BRI3: variants seen among roughly 807,000 people sequenced by gnomAD.
BRI3 encodes membrane protein BRI3.
A neutral mutation model predicts 12.8 loss-of-function variants in BRI3; 6 were observed. The ratio of observed to expected loss-of-function variants is 0.47; its 90% CI spans 0.26 to 0.93. BRI3 has a LOEUF of 0.93. Among genes scored for constraint, BRI3 ranks in the 40% least tolerant of loss-of-function variants. BRI3 has a pLI of 0.15. For missense variants in BRI3, 134 were observed against 171.1 expected (o/e 0.78, Z 1.21); for synonymous variants, 91 against 76.1 (o/e 1.20, Z -1.02).
chr7:98,320,150 A>T, the BRI3 span: 1 of 1,602,900 alleles, frequency 6.2e-7, no homozygotes, highest in Non-Finnish European at 8.5e-7. Context: ...AAGGAAATAA[A>T]TTCATACCAG....
chr7:98,317,970 C>G, the BRI3 span, among the ~76,000 whole-genome samples: 4 of 144,216 alleles, frequency 2.8e-5, no homozygotes, highest in Non-Finnish European at 4.6e-5. Flanking sequence ...TCACACCATC[C>G]TTACGCTGGC....
chr7:98,289,861 C>A (rs76446760), intron 2 of BRI3, among the ~76,000 whole-genome samples: 2,769 of 152,258 alleles, frequency 0.018, 43 homozygotes, highest in South Asian at 0.05. Context: ...CAGTTGGGTT[C>A]GATGATGATT....
chr7:98,291,053 A>C, intron 2 of BRI3, 58 bp from the exon 3 acceptor site: 1 of 1,599,312 alleles, frequency 6.3e-7, no homozygotes, highest in Non-Finnish European at 8.6e-7. Context: ...GGCAGGGGTG[A>C]GGGTTCTGGC....
In BRI3 at chr7:98,283,993, G is replaced by A. The variant is rs537507206; in HGVS notation, c.245+1540G>A. ...CCCTAGGTGGGAACTGTGTCCCTGCGGAGGCCCATGGCTTCCGCTAACCTG... is the reference window on the plus strand; with the variant it reads ...CCCTAGGTGGGAACTGTGTCCCTGCAGAGGCCCATGGCTTCCGCTAACCTG... On this transcript the variant is annotated intron_variant, in intron 2 of 2. Transcript: ENST00000297290. 9.0e-4 allele frequency among the ~76,000 whole-genome samples: 137 copies of A among 152,326 alleles called. 1 individual carries two copies. Among genetic ancestry groups the A allele is most frequent in the African/African-American group, 3.3e-3 (136 of 41,578 alleles).
upstream of BRI3, among the ~76,000 whole-genome samples, chr7:98,305,847 A>G (rs532645588): frequency 2.6e-5 from 4 of 152,262 alleles, no homozygotes; most frequent in African/African-American, 9.6e-5. Flanking sequence ...TCTGATCTGG[A>G]ATACGGATTT....
chr7:98,306,174 G>C (rs1246777259), upstream of BRI3, among the ~76,000 whole-genome samples: 1 of 152,182 alleles, frequency 6.6e-6, no homozygotes, highest in Admixed American at 6.5e-5. Context: ...GCGACCAGGA[G>C]GGGCAGGGCA....
downstream of BRI3, among the ~76,000 whole-genome samples, chr7:98,295,950 G>A (rs949929886): frequency 2.6e-5 from 4 of 152,186 alleles, no homozygotes; most frequent in Admixed American, 2.6e-4. Flanking sequence ...GTGCACGCAT[G>A]CCTGGGGCCC....
downstream of BRI3, among the ~76,000 whole-genome samples, chr7:98,311,160 A>G (rs62478168): frequency 0.078 from 11,877 of 152,256 alleles, 669 homozygotes; most frequent in Non-Finnish European, 0.12. Context: ...TTACGTTGTG[A>G]TGAATGCCAT....
intron 2 of BRI3, among the ~76,000 whole-genome samples, chr7:98,289,564 T>G (rs1299011659): frequency 1.3e-5 from 2 of 152,140 alleles, no homozygotes; most frequent in Non-Finnish European, 2.9e-5. Context: ...TAGGCTCCCC[T>G]TCCCCCCTAA....
At chr7:98,299,714 C>A (rs963668842) in intron 1 of BRI3, among the ~76,000 whole-genome samples, 7 of 152,114 alleles carry the variant, frequency 4.6e-5, no homozygotes, top group Non-Finnish European at 1.0e-4. Context: ...CCTAACTGTC[C>A]AATGTGGCAA....
chr7:98,307,735 C>A (rs1420443537), exon 2 of BRI3: 1 of 1,614,108 alleles, frequency 6.2e-7, no homozygotes, highest in Non-Finnish European at 8.5e-7. Flanking sequence ...TCCTTCTCCT[C>A]GGGGATGAGC....
chr7:98,304,166 C>T (rs1800539323), upstream of BRI3: 1 of 1,536,748 alleles, frequency 6.5e-7, no homozygotes. Context: ...GAGTCCAGGA[C>T]CCAGGACGCC....
At chr7:98,299,766 C>A (rs866344727) in intron 1 of BRI3, among the ~76,000 whole-genome samples, 1 of 152,186 alleles carries the variant, frequency 6.6e-6, no homozygotes, top group South Asian at 2.1e-4. Flanking sequence ...ATTTGCCGGG[C>A]GCAGTGACTC....
Position 98,291,093 on chromosome 7 carries a change from T to C in BRI3, c.246-18T>C, listed in dbSNP as rs1465582522. ...CGGGTCCTTACGGTGCCACCCTCTCTGCCCGTCTCTGCTGCAGGGTTGGGG... is the reference window on the plus strand; with the variant it reads ...CGGGTCCTTACGGTGCCACCCTCTCCGCCCGTCTCTGCTGCAGGGTTGGGG... On this transcript the variant is annotated intron_variant, in intron 2 of 2. Coordinates refer to ENST00000297290, the MANE Select transcript of BRI3 (RefSeq NM_015379.5). 2 of 1,612,230 alleles carry C rather than the reference T, an allele frequency of 1.2e-6. No homozygotes were observed. The highest frequency in any genetic ancestry group is 1.7e-5 in the Admixed American group (1 of 59,788).
At chr7:98,316,554 G>A in the BRI3 span, among the ~76,000 whole-genome samples, 2 of 152,098 alleles carry the variant, frequency 1.3e-5, no homozygotes, top group Admixed American at 6.6e-5. Context: ...TATTTATAGG[G>A]CACATGTGAT....
At chr7:98,288,790 G>GTTGGA (rs1554407364) in intron 2 of BRI3, among the ~76,000 whole-genome samples, 1 of 151,662 alleles carries the variant, frequency 6.6e-6, no homozygotes, top group Admixed American at 6.6e-5. Flanking sequence ...TTGTAGGGAG[G>GTTGGA]GGTCTTTGTT....
At chr7:98,292,949 G>C (rs561637864), downstream of BRI3, 1 of 1,244,400 alleles carries the variant, frequency 8.0e-7, no homozygotes. Flanking sequence ...CAGCTCTGGC[G>C]TGGTTGGAGG....
upstream of BRI3, among the ~76,000 whole-genome samples, chr7:98,305,560 T>C (rs1476359679): frequency 2.0e-5 from 3 of 152,110 alleles, no homozygotes; most frequent in Non-Finnish European, 4.4e-5. Flanking sequence ...GATGGGACAA[T>C]GGGCATATGC....
exon 2 of BRI3, chr7:98,308,170 G>A: frequency 1.7e-6 from 1 of 595,152 alleles, no homozygotes; most frequent in South Asian, 1.5e-5. Context: ...GGACAAGGCG[G>A]TGTGTGCCGG....
Sources: gnomAD v4.1 joint callset for allele counts (sites outside exome capture counted in the v4.1 genomes callset) on GRCh38, gnomAD v4.1.1 for gene constraint, MANE v1.5 for transcripts, NCBI Gene and HGNC (gene_info 2026-07-23, HGNC 2026-07-21) for gene names.